The following HSD17B4 variants were observed in gnomAD, a reference collection of about 807,000 sequenced individuals.
HSD17B4 encodes the protein hydroxysteroid 17-beta dehydrogenase 4, also known as peroxisomal multifunctional enzyme type 2.
HSD17B4 carries 70 observed loss-of-function variants against 101.0 expected under a neutral mutation model. The ratio of observed to expected loss-of-function variants is 0.69; its 90% CI spans 0.57 to 0.85. The LOEUF is 0.85. Among genes scored for constraint, HSD17B4 ranks in the 40% least tolerant of loss-of-function variants. The probability of loss-of-function intolerance (pLI) is 0.00; values close to 1 mark genes in which losing one functional copy is unlikely to be tolerated. For synonymous variants in HSD17B4, 347 were observed against 297.1 expected (o/e 1.17, Z -1.73); for missense variants, 984 against 892.4 (o/e 1.10, Z -1.31).
chr5:119,518,079 C>T (rs1040574950), intron 17 of HSD17B4, among the ~76,000 whole-genome samples: 1 of 152,090 alleles, frequency 6.6e-6, no homozygotes, highest in Non-Finnish European at 1.5e-5. Flanking sequence ...GCAGGCTGCC[C>T]AAGCCAGCAG....
intron 13 of HSD17B4, 54 bp from the exon 14 acceptor site, chr5:119,501,987 A>G (rs1751208831): frequency 1.4e-5 from 15 of 1,073,120 alleles, no homozygotes; most frequent in Non-Finnish European, 2.2e-5. Context: ...ATCCATAGGC[A>G]GAACCTGTGG....
At chr5:119,498,316 G>T (rs1012593703) in intron 12 of HSD17B4, among the ~76,000 whole-genome samples, 3 of 152,100 alleles carry the variant, frequency 2.0e-5, no homozygotes, top group Non-Finnish European at 4.4e-5. Context: ...AAATATTTTA[G>T]GCTCTGTGGG....
At chr5:119,487,169 T>A (rs983929426) in intron 8 of HSD17B4, 2 of 151,978 alleles carry the variant, frequency 1.3e-5, no homozygotes, top group African/African-American at 4.8e-5. Context: ...TAGGTATCAG[T>A]ATTGTTATTT....
chr5:119,492,436 T>C (rs2126753012), intron 10 of HSD17B4: 2 of 309,974 alleles, frequency 6.5e-6, no homozygotes, highest in African/African-American at 4.2e-5. Flanking sequence ...TGTCTTTGAC[T>C]TCCCACATGC....
At chr5:119,456,415 T>TA (rs1561423853) in intron 2 of HSD17B4, 47 bp downstream of exon 2, 2 of 1,025,574 alleles carry the variant, frequency 2.0e-6, no homozygotes, top group Non-Finnish European at 3.1e-6. Flanking sequence ...ATAACTGAAA[T>TA]ACAATCTTTA....
At chr5:119,517,183 G>A (rs1280838192) in intron 17 of HSD17B4, among the ~76,000 whole-genome samples, 1 of 152,218 alleles carries the variant, frequency 6.6e-6, no homozygotes, top group Admixed American at 6.5e-5. Context: ...TGGGCTTGGC[G>A]GGCCCGGCAC....
In HSD17B4 at chr5:119,499,453, A is replaced by T; in HGVS notation, c.1109A>T (p.Asp370Val). 5.0e-6 allele frequency: 8 copies of T among 1,613,774 alleles called. No homozygotes were observed. The highest frequency in any genetic ancestry group is 1.1e-5 in the South Asian group (1 of 91,082). ...AAATTTATTTATGAAGGAAGTTCTG[A>T]TTTCTCCTGTTTGCCCACCTTCGGA... ...DLKFIYEGSS[D>V]FSCLPTFGVI... Residue 370 changes from aspartate to valine, a missense_variant, in exon 13 of 24, where the codon GAT becomes GTT. Asp to Val is a radical substitution (Grantham distance 152). Coordinates refer to ENST00000510025, the MANE Select transcript of HSD17B4 (RefSeq NM_000414.4).
chr5:119,502,819 C>T (rs895054063), intron 14 of HSD17B4, among the ~76,000 whole-genome samples: 22 of 151,926 alleles, frequency 1.4e-4, no homozygotes, highest in Non-Finnish European at 2.8e-4. Flanking sequence ...ATTTTTATTG[C>T]TTGAAGCTGA....
chr5:119,524,946 C>T (rs1221498470), intron 17 of HSD17B4, among the ~76,000 whole-genome samples: 1 of 152,062 alleles, frequency 6.6e-6, no homozygotes, highest in African/African-American at 2.4e-5. Flanking sequence ...TGAATTTCTC[C>T]TTAGGTAGTA....
At chr5:119,513,689 A>G (rs1262692587) in intron 16 of HSD17B4, among the ~76,000 whole-genome samples, 1 of 152,240 alleles carries the variant, frequency 6.6e-6, no homozygotes, top group African/African-American at 2.4e-5. Context: ...ACTGTAGACC[A>G]GAAAGTAATC....
chr5:119,476,573 TTAG>T (rs1748604820), intron 6 of HSD17B4: 2 of 985,110 alleles, frequency 2.0e-6, no homozygotes, highest in Non-Finnish European at 2.4e-6. Context: ...GGAAGAAGAG[TTAG>T]TGTCTTTGAT....
chr5:119,456,599 G>A (rs188428703), intron 2 of HSD17B4: 2 of 528,064 alleles, frequency 3.8e-6, no homozygotes, highest in Non-Finnish European at 6.8e-6. Flanking sequence ...GAAGGGCTAG[G>A]GGGTAGGCAT....
intron 22 of HSD17B4, among the ~76,000 whole-genome samples, chr5:119,533,789 C>G (rs952747927): frequency 6.6e-6 from 1 of 152,072 alleles, no homozygotes; most frequent in African/African-American, 2.4e-5. Context: ...CACCACCTTG[C>G]TTCATGACAT....
chr5:119,513,341 A>G (rs1752337780), intron 16 of HSD17B4, among the ~76,000 whole-genome samples: 1 of 152,184 alleles, frequency 6.6e-6, no homozygotes, highest in African/African-American at 2.4e-5. Flanking sequence ...AGTAAATATA[A>G]CATGCTATTT....
At chr5:119,526,560 G>A (rs1165864924) in intron 19 of HSD17B4, among the ~76,000 whole-genome samples, 1 of 151,796 alleles carries the variant, frequency 6.6e-6, no homozygotes, top group Non-Finnish European at 1.5e-5. Context: ...AAAAGTTTAA[G>A]GGGTTGTCAA....
chr5:119,495,559 A>G (rs1317328845), intron 11 of HSD17B4, among the ~76,000 whole-genome samples: 1 of 152,234 alleles, frequency 6.6e-6, no homozygotes, highest in Non-Finnish European at 1.5e-5. Flanking sequence ...TTCCCTCTAG[A>G]TAGCAATATG....
intron 22 of HSD17B4, among the ~76,000 whole-genome samples, chr5:119,533,401 A>G (rs1337443874): frequency 2.0e-5 from 3 of 151,906 alleles, no homozygotes; most frequent in African/African-American, 4.8e-5. Context: ...TGAAAGGAAG[A>G]CCTCAATTAA....
intron 2 of HSD17B4, among the ~76,000 whole-genome samples, chr5:119,472,020 G>A (rs1370742852): frequency 1.3e-5 from 2 of 152,094 alleles, no homozygotes; most frequent in Non-Finnish European, 2.9e-5. Context: ...ATATATAATT[G>A]GATATAGGGA....
chr5:119,522,043 C>A (rs1169238092), intron 17 of HSD17B4, among the ~76,000 whole-genome samples: 1 of 151,810 alleles, frequency 6.6e-6, no homozygotes, highest in Non-Finnish European at 1.5e-5. Flanking sequence ...CCCGTTAACT[C>A]GTCATTTACG....
Sources: gnomAD v4.1 joint callset for allele counts (sites outside exome capture counted in the v4.1 genomes callset) on GRCh38, gnomAD v4.1.1 for gene constraint, MANE v1.5 for transcripts, NCBI Gene and HGNC (gene_info 2026-07-23, HGNC 2026-07-21) for gene names.